Variants in KLF15 observed in about 807,000 individuals in gnomAD.
KLF15 encodes KLF transcription factor 15.
In KLF15, 4 loss-of-function variants were observed where a neutral mutation model predicts 24.6. The observed-to-expected ratio is 0.16, with a 90% CI of 0.08 to 0.37. The LOEUF (loss-of-function observed/expected upper bound fraction) is 0.37. KLF15 is among the 10% of genes least tolerant of loss of function. KLF15 has a pLI of 1.00. For missense variants in KLF15, 496 were observed against 560.6 expected (o/e 0.88, Z 1.16); for synonymous variants, 246 against 236.3 (o/e 1.04, Z -0.37).
the KLF15 span, among the ~76,000 whole-genome samples, chr3:126,323,449 A>ATATATATATATAACATATATATGT: frequency 2.1e-4 from 20 of 96,216 alleles, no homozygotes; most frequent in Non-Finnish European, 2.7e-4. Context: ...TATATATGTT[A>ATATATATATATAACATATATATGT]TATATATATA....
rs571501307 is a variant in KLF15 at position 126,349,305 on chromosome 3, G to T, written c.1082+2536C>A. On this transcript the variant is annotated intron_variant, in intron 2 of 2. Coordinates refer to ENST00000296233, the MANE Select transcript of KLF15 (RefSeq NM_014079.4). ...AGACCCACTCCAGGGGACCTTGGGGGAAGCTGGAGGAGCCCTCAGGAAGCC... is the reference window on the plus strand; with the variant it reads ...AGACCCACTCCAGGGGACCTTGGGGTAAGCTGGAGGAGCCCTCAGGAAGCC... Among the ~76,000 whole-genome samples, 9 of 152,314 alleles carry T rather than the reference G, an allele frequency of 5.9e-5. No homozygotes were observed. The South Asian group carries it at 1.2e-3, about 21-fold the overall frequency.
chr3:126,304,907 T>C, the KLF15 span, among the ~76,000 whole-genome samples: 1 of 152,254 alleles, frequency 6.6e-6, no homozygotes, highest in Non-Finnish European at 1.5e-5. Flanking sequence ...CCACTAGTCA[T>C]TCCTTAACAT....
chr3:126,295,376 C>T, the KLF15 span, among the ~76,000 whole-genome samples: 11 of 152,320 alleles, frequency 7.2e-5, no homozygotes, highest in East Asian at 1.2e-3. Flanking sequence ...GTGAGGGCAA[C>T]GCTGGGAACT....
chr3:126,330,711 C>T, the KLF15 span, among the ~76,000 whole-genome samples: 1 of 152,252 alleles, frequency 6.6e-6, no homozygotes, highest in East Asian at 1.9e-4. Context: ...GTGCTCTTCC[C>T]TGTGTCTCAT....
chr3:126,330,578 A>T, the KLF15 span, among the ~76,000 whole-genome samples: 1 of 151,946 alleles, frequency 6.6e-6, no homozygotes, highest in African/African-American at 2.4e-5. Context: ...GACTTTGCAA[A>T]TAATAAGTTG....
the KLF15 span, among the ~76,000 whole-genome samples, chr3:126,329,942 G>T: frequency 6.6e-6 from 1 of 150,920 alleles, no homozygotes; most frequent in Non-Finnish European, 1.5e-5. Flanking sequence ...AGTTGATTTT[G>T]ATTGTGTTAG....
the KLF15 span, among the ~76,000 whole-genome samples, chr3:126,296,306 C>T: frequency 6.6e-6 from 1 of 152,164 alleles, no homozygotes; most frequent in African/African-American, 2.4e-5. Context: ...CTCCCAGGTT[C>T]ACGCCATTCT....
the KLF15 span, among the ~76,000 whole-genome samples, chr3:126,308,275 C>G: frequency 6.6e-6 from 1 of 152,198 alleles, no homozygotes; most frequent in Non-Finnish European, 1.5e-5. Context: ...TGACCACCCC[C>G]AAGGAGCTGG....
the KLF15 span, among the ~76,000 whole-genome samples, chr3:126,314,751 C>T: frequency 1.3e-5 from 2 of 152,200 alleles, no homozygotes; most frequent in African/African-American, 4.8e-5. Context: ...CCCTCTATGC[C>T]CCCATATAGT....
At chr3:126,349,686 C>T (rs1390538752) in intron 2 of KLF15, among the ~76,000 whole-genome samples, 2 of 152,216 alleles carry the variant, frequency 1.3e-5, no homozygotes, top group Non-Finnish European at 2.9e-5. Context: ...TACCCAGCCT[C>T]ACGGCATCTA....
At chr3:126,316,270 G>A in the KLF15 span, among the ~76,000 whole-genome samples, 1 of 151,882 alleles carries the variant, frequency 6.6e-6, no homozygotes, top group African/African-American at 2.4e-5. Context: ...GAGTGGGGCT[G>A]GGAGTGCATG....
chr3:126,309,124 C>T, the KLF15 span, among the ~76,000 whole-genome samples: 2 of 152,314 alleles, frequency 1.3e-5, no homozygotes, highest in South Asian at 2.1e-4. Context: ...TGAGGGACAC[C>T]GTGACGTCAG....
At chr3:126,301,526 A>C in the KLF15 span, among the ~76,000 whole-genome samples, 3 of 151,978 alleles carry the variant, frequency 2.0e-5, no homozygotes, top group Non-Finnish European at 4.4e-5. Context: ...GCCGCCACGC[A>C]CACTCTCTCA....
the KLF15 span, among the ~76,000 whole-genome samples, chr3:126,295,541 G>A: frequency 1.3e-5 from 2 of 152,130 alleles, no homozygotes; most frequent in Non-Finnish European, 2.9e-5. Flanking sequence ...TTCGTATCCC[G>A]AGTGCCATGG....
At chr3:126,295,614 T>G in the KLF15 span, among the ~76,000 whole-genome samples, 1 of 152,316 alleles carries the variant, frequency 6.6e-6, no homozygotes, top group Admixed American at 6.5e-5. Flanking sequence ...GTGATCAGCT[T>G]CACATGGCTA....
the KLF15 span, among the ~76,000 whole-genome samples, chr3:126,313,950 T>C: frequency 6.6e-6 from 1 of 152,226 alleles, no homozygotes; most frequent in African/African-American, 2.4e-5. Context: ...TAAAGTTTTA[T>C]TGGCACACAG....
At position 126,351,939 on chromosome 3, in the gene KLF15, G is replaced by A. The variant is rs1360394711; in HGVS notation, c.984C>T (p.Cys328=). ...IKMHKCTFPG[C]SKMYTKSSHL... The stretch of plus-strand genomic sequence containing the variant: ...GGCTGCTTTTGGTGTACATCTTGCT[G>A]CAGCCAGGGAAAGTACATTTGTGCA... Residue 328 remains cysteine (C), a synonymous_variant, in exon 2 of 3, where the codon TGC becomes TGT. Transcript: ENST00000296233. 9.3e-6 allele frequency: 15 copies of A among 1,613,568 alleles called. No homozygotes were observed. Among genetic ancestry groups the A allele is most frequent in the Middle Eastern group, 1.7e-4 (1 of 6,060 alleles).
chr3:126,290,150 C>A, the KLF15 span, among the ~76,000 whole-genome samples: 5 of 150,782 alleles, frequency 3.3e-5, no homozygotes, highest in African/African-American at 9.8e-5. Context: ...TTTTTTTTTT[C>A]TTTTGGCGGA....
the KLF15 span, among the ~76,000 whole-genome samples, chr3:126,306,084 C>T: frequency 7.2e-5 from 11 of 152,168 alleles, no homozygotes; most frequent in Non-Finnish European, 1.5e-4. Flanking sequence ...GGAACTTCAT[C>T]CCCATGGGGT....
Sources: allele counts gnomAD v4.1 joint callset (sites outside exome capture counted in the v4.1 genomes callset), GRCh38; gene constraint gnomAD v4.1.1; transcripts MANE v1.5; gene names NCBI Gene and HGNC (gene_info 2026-07-23, HGNC 2026-07-21).